The following MYO16 variants were observed in gnomAD, a reference collection of about 807,000 sequenced individuals.
MYO16 encodes the protein myosin XVI.
In MYO16, 94 loss-of-function variants were observed where a neutral mutation model predicts 205.3. The ratio of observed to expected loss-of-function variants is 0.46; its 90% confidence interval spans 0.39 to 0.54. The LOEUF (loss-of-function observed/expected upper bound fraction) is 0.54, where lower values mean the gene tolerates loss of function less well. Among genes scored for constraint, MYO16 ranks in the 20% least tolerant of loss-of-function variants. The probability of loss-of-function intolerance (pLI) is 0.00; values close to 1 mark genes in which losing one functional copy is unlikely to be tolerated. For missense variants in MYO16, 2,315 were observed against 2,387.5 expected (o/e 0.97, Z 0.63); for synonymous variants, 988 against 954.0 (o/e 1.04, Z -0.66).
At position 108,658,117 on chromosome 13, in the gene MYO16, T is replaced by C. The variant is rs116212087; in HGVS notation, c.29-7769T>C. Among the ~76,000 whole-genome samples, 1,362 of 152,254 alleles carry C rather than the reference T, an allele frequency of 8.9e-3. 24 individuals carry two copies. Among genetic ancestry groups the C allele is most frequent in the African/African-American group, 0.031 (1,289 of 41,538 alleles). ...TGAACTGAGGTAATTTTCTTCTTTTTCTATTGTACGAAAGAACTGGATGAA... is the reference window on the plus strand; with the variant it reads ...TGAACTGAGGTAATTTTCTTCTTTTCCTATTGTACGAAAGAACTGGATGAA... On this transcript the variant is annotated intron_variant, in intron 1 of 34. Transcript: ENST00000457511.
rs1180851593 is a variant in MYO16 at position 108,727,439 on chromosome 13, G to C, written c.364-1G>C. 1.9e-6 allele frequency: 3 copies of C among 1,612,076 alleles called. No homozygotes were observed. Among genetic ancestry groups the C allele is most frequent in the Non-Finnish European group, 2.5e-6 (3 of 1,178,952 alleles). On this transcript the variant is annotated splice_acceptor_variant, in intron 3 of 34. Coordinates refer to ENST00000457511, the MANE Select transcript of MYO16 (RefSeq NM_001198950.3). LOFTEE classifies it high-confidence loss of function. ...ATATTTCCTTGTATTCTTTCTTTTA[G>C]TGTGCTCGGTATGATAATGCCTTCA...
intron 1 of MYO16, among the ~76,000 whole-genome samples, chr13:108,622,640 G>A (rs886300179): frequency 6.7e-6 from 1 of 149,948 alleles, no homozygotes; most frequent in Non-Finnish European, 1.5e-5. Flanking sequence ...AAAGGAGGAG[G>A]GGGGAAGGCA....
intron 4 of MYO16, among the ~76,000 whole-genome samples, chr13:108,749,503 A>C (rs1283075096): frequency 1.3e-5 from 2 of 152,252 alleles, no homozygotes; most frequent in Non-Finnish European, 2.9e-5. Context: ...ATGGCAAATA[A>C]GCATACCAAA....
chr13:108,594,597 C>A (rs901700459), upstream of MYO16, among the ~76,000 whole-genome samples: 2 of 152,222 alleles, frequency 1.3e-5, no homozygotes, highest in African/African-American at 4.8e-5. Flanking sequence ...TTGGCCTCAA[C>A]TGACCTGCAC....
At chr13:108,771,004 T>C (rs1313624881) in intron 4 of MYO16, among the ~76,000 whole-genome samples, 1 of 152,214 alleles carries the variant, frequency 6.6e-6, no homozygotes, top group African/African-American at 2.4e-5. Flanking sequence ...AGTATCACAA[T>C]GCAATTCCCT....
chr13:108,820,463 T>A, intron 8 of MYO16, 51 bp downstream of exon 8: 1 of 1,441,730 alleles, frequency 6.9e-7, no homozygotes, highest in Non-Finnish European at 9.6e-7. Flanking sequence ...TTTCTTCCTT[T>A]CATATTGGAG....
chr13:109,155,711 C>G (rs183729112), intron 32 of MYO16, among the ~76,000 whole-genome samples: 5 of 152,232 alleles, frequency 3.3e-5, no homozygotes, highest in African/African-American at 1.2e-4. Flanking sequence ...ATCTGTTGCA[C>G]GTTTTCAAAA....
intron 21 of MYO16, among the ~76,000 whole-genome samples, 189 bp downstream of exon 21, chr13:108,992,637 G>A (rs1884874102): frequency 6.6e-6 from 1 of 152,018 alleles, no homozygotes; most frequent in Admixed American, 6.6e-5. Flanking sequence ...TAAACAACTG[G>A]CATAGTCACA....
chr13:109,075,172 T>C (rs1242769959), intron 27 of MYO16, among the ~76,000 whole-genome samples: 1 of 152,212 alleles, frequency 6.6e-6, no homozygotes, highest in Non-Finnish European at 1.5e-5. Flanking sequence ...AGTGTTTATA[T>C]AGACATGTTC....
chr13:109,100,889 T>C lies in MYO16; in HGVS notation c.3438+2T>C. 1 of 1,609,990 alleles carries C rather than the reference T, an allele frequency of 6.2e-7. No individual in the cohort carries two copies. The highest frequency in any genetic ancestry group is 8.5e-7 in the Non-Finnish European group (1 of 1,176,490). ...CAGTGTAAATTACAAGGCTGGCAGG[T>C]TGGTGACCTACAAGCTATGAAAATA... On this transcript the variant is annotated splice_donor_variant, in intron 28 of 34. Coordinates refer to ENST00000457511, the MANE Select transcript of MYO16 (RefSeq NM_001198950.3). LOFTEE classifies it high-confidence loss of function.
intron 20 of MYO16, among the ~76,000 whole-genome samples, chr13:108,967,568 C>A (rs1345414490): frequency 6.6e-6 from 1 of 152,100 alleles, no homozygotes; most frequent in Non-Finnish European, 1.5e-5. Context: ...TGGCCCGGAC[C>A]CTGCGGGCTG....
At position 108,754,211 on chromosome 13, in the gene MYO16, AGACAAGCTGTAGCATGCAG is replaced by A. The variant is rs1472858167; in HGVS notation, c.507+26655_507+26673del. On this transcript the variant is annotated intron_variant, in intron 4 of 34. Transcript: ENST00000457511. ...CATGCAGGACAAGCTGTAGCATGCAAGACAAGCTGTAGCATGCAGGACAAGCTGTAGCATGCAGGACAAG... is the reference window on the plus strand; with the variant it reads ...CATGCAGGACAAGCTGTAGCATGCAAGACAAGCTGTAGCATGCAGGACAAG... Among the ~76,000 whole-genome samples, 50 of 142,492 alleles carry A rather than the reference AGACAAGCTGTAGCATGCAG, an allele frequency of 3.5e-4. 1 individual carries two copies. In the East Asian group the frequency reaches 3.5e-3, roughly 10 times the overall value. 93.5% of individuals were successfully genotyped at this position (142,492 alleles called of 152,430 possible). A position where few individuals can be genotyped will look rare whatever the true frequency, so the allele number is the denominator to read the frequency against.
chr13:109,206,612 A>C lies in MYO16; in HGVS notation c.5419A>C (p.Ile1807Leu). ...TCTGCCCCTCTTCCTCCCACAGGTA[A>C]TCCATCAGCTGAGGCTCTCAGAGAA... ...RHRDSHTTQV[I>L]HQLRLSENES... Residue 1807 changes from isoleucine (I) to leucine (L), a missense_variant, in exon 35 of 35, where the codon ATC becomes CTC. By Grantham distance (5) the Ile-to-Leu change is conservative (BLOSUM62 2). Coordinates refer to ENST00000457511, the MANE Select transcript of MYO16 (RefSeq NM_001198950.3). The C allele has an allele frequency of 6.2e-7, 1 of 1,610,274 alleles. No individual in the cohort carries two copies. The highest frequency in any genetic ancestry group is 1.3e-5 in the African/African-American group (1 of 74,954).
At chr13:108,758,172 T>C (rs9587674) in intron 4 of MYO16, among the ~76,000 whole-genome samples, 30,964 of 152,114 alleles carry the variant, frequency 0.2, 3,429 homozygotes, top group African/African-American at 0.27. Flanking sequence ...GGACATCCAG[T>C]CTCCAGAACT....
chr13:108,531,177 G>A, the MYO16 span, among the ~76,000 whole-genome samples: 1 of 152,298 alleles, frequency 6.6e-6, no homozygotes, highest in Non-Finnish European at 1.5e-5. Context: ...AGGTGAGGTT[G>A]GCAAAGTTAG....
intron 13 of MYO16, among the ~76,000 whole-genome samples, chr13:108,886,267 G>A (rs1879877345): frequency 6.6e-6 from 1 of 152,112 alleles, no homozygotes; most frequent in Admixed American, 6.5e-5. Flanking sequence ...GATTACAGGC[G>A]TGAGCCACCG....
At chr13:108,988,695 G>T (rs1207304150) in intron 20 of MYO16, among the ~76,000 whole-genome samples, 1 of 152,142 alleles carries the variant, frequency 6.6e-6, no homozygotes. Context: ...AAGTGACATG[G>T]TGTCACTGAT....
chr13:108,861,675 T>C (rs1414275601), intron 11 of MYO16, among the ~76,000 whole-genome samples: 1 of 152,180 alleles, frequency 6.6e-6, no homozygotes, highest in Non-Finnish European at 1.5e-5. Flanking sequence ...TAGCTTATTG[T>C]GTTTCTAATT....
intron 27 of MYO16, among the ~76,000 whole-genome samples, chr13:109,088,704 C>G (rs1380171682): frequency 1.3e-5 from 2 of 152,226 alleles, no homozygotes; most frequent in African/African-American, 4.8e-5. Context: ...CTCAGCGGGC[C>G]GCAGTCCTTC....
Sources: gnomAD v4.1 joint callset for allele counts (sites outside exome capture counted in the v4.1 genomes callset) on GRCh38, gnomAD v4.1.1 for gene constraint, MANE v1.5 for transcripts, NCBI Gene and HGNC (gene_info 2026-07-23, HGNC 2026-07-21) for gene names.